BMS1: variants seen among roughly 807,000 people sequenced by gnomAD.
BMS1 encodes BMS1 ribosome biogenesis factor.
BMS1 carries 53 observed loss-of-function variants against 138.7 expected under a neutral mutation model. The observed-to-expected ratio is 0.38, with a 90% CI of 0.31 to 0.48. BMS1 has a LOEUF of 0.48. Ranked by LOEUF, BMS1 falls within the 20% of genes least tolerant of loss-of-function variation. The pLI is 0.97. For synonymous variants in BMS1, 504 were observed against 539.9 expected, an observed-to-expected ratio of 0.93 and a Z score of 0.92; for missense variants, 1,360 against 1,565.5, an observed-to-expected ratio of 0.87 and a Z score of 2.22.
chr10:42,796,401 G>T, intron 9 of BMS1, 73 bp from the exon 10 acceptor site: 2 of 1,417,414 alleles, frequency 1.4e-6, no homozygotes, highest in Middle Eastern at 1.8e-4. Context: ...TATTTTCATT[G>T]ACTATATTGC....
chr10:42,788,191 G>A (rs1263792555), intron 4 of BMS1, among the ~76,000 whole-genome samples: 10 of 152,218 alleles, frequency 6.6e-5, no homozygotes, highest in African/African-American at 2.4e-4. Context: ...GTTAATATTA[G>A]TAAAAATAAG....
chr10:42,828,144 C>T (rs1842706182), intron 21 of BMS1, among the ~76,000 whole-genome samples: 2 of 152,196 alleles, frequency 1.3e-5, no homozygotes, highest in Admixed American at 1.3e-4. Flanking sequence ...GCCTCCCCAA[C>T]CCACAAAATA....
chr10:42,833,157 A>G lies in BMS1; in HGVS notation c.*2061A>G, dbSNP rs1842828200. On this transcript the variant is annotated 3_prime_UTR_variant, in exon 23 of 23. Transcript: ENST00000374518. ...GCAGATAATTGCCTTTTCCAAAGACAATGTATGTAGGCAGAACTCATACCT... is the reference window on the plus strand; with the variant it reads ...GCAGATAATTGCCTTTTCCAAAGACGATGTATGTAGGCAGAACTCATACCT... The G allele has an allele frequency of 6.6e-6, 1 of 152,232 alleles. No individual in the cohort carries two copies. The highest frequency in any genetic ancestry group is 1.5e-5 in the Non-Finnish European group (1 of 68,042). The allele number at this position is 152,232 out of a possible 1,614,324, so 9.4% of individuals were successfully genotyped here.
At position 42,797,171 on chromosome 10, in the gene BMS1, A is replaced by C; in HGVS notation, c.1927A>C (p.Asn643His). The part of the protein sequence containing the change: ...NFIDETSDIE[N>H]LLKEEEDYKE... ...CATTGATGAGACCAGTGATATAGAA[A>C]ATTTACTCAAAGAGGAAGAAGATTA... Residue 643 changes from asparagine to histidine, a missense_variant, in exon 10 of 23, where the codon AAT becomes CAT. Coordinates refer to ENST00000374518, the MANE Select transcript of BMS1 (RefSeq NM_014753.4). 1 of 1,612,984 alleles carries C rather than the reference A, an allele frequency of 6.2e-7. No homozygotes were observed. The highest frequency in any genetic ancestry group is 2.2e-5 in the East Asian group (1 of 44,880).
intron 2 of BMS1, 39 bp from the exon 3 acceptor site, chr10:42,785,443 G>A (rs775874706): frequency 1.2e-5 from 19 of 1,532,580 alleles, no homozygotes; most frequent in Non-Finnish European, 1.7e-5. Context: ...TTGAAAATGA[G>A]TTTACTATTT....
intron 15 of BMS1, among the ~76,000 whole-genome samples, chr10:42,818,777 T>C (rs1267803127): frequency 6.6e-6 from 1 of 151,224 alleles, no homozygotes; most frequent in African/African-American, 2.4e-5. Flanking sequence ...TGGCCGGGAG[T>C]GAGTGCAGAG....
chr10:42,784,527 T>C lies in BMS1; in HGVS notation c.133T>C (p.Phe45Leu), dbSNP rs1841262528. The C allele has an allele frequency of 6.2e-7, 1 of 1,613,762 alleles. No individual in the cohort carries two copies. Among genetic ancestry groups the C allele is most frequent in the Admixed American group, 1.7e-5 (1 of 59,988 alleles). ...EDARKRNPKA[F>L]AVQSAVRMAR... ...TGCCCGGAAGAGAAATCCCAAAGCT[T>C]TTGCAGTTCAGTCTGCTGTGCGGAT... The change falls in exon 2 of 23, where the codon TTT becomes CTT. Residue 45 changes from phenylalanine (F) to leucine (L), a missense_variant. Transcript: ENST00000374518.
At chr10:42,805,245 A>T (rs953676438) in intron 13 of BMS1, among the ~76,000 whole-genome samples, 7 of 151,782 alleles carry the variant, frequency 4.6e-5, no homozygotes, top group African/African-American at 7.3e-5. Context: ...CTGAAAATCT[A>T]TTTTTTTCCC....
chr10:42,805,616 A>G (rs1471557848), intron 13 of BMS1, among the ~76,000 whole-genome samples: 1 of 152,230 alleles, frequency 6.6e-6, no homozygotes, highest in African/African-American at 2.4e-5. Context: ...TGATCTATGA[A>G]CATAGTAACT....
At chr10:42,809,632 T>C (rs1219168951) in intron 13 of BMS1, among the ~76,000 whole-genome samples, 3 of 152,210 alleles carry the variant, frequency 2.0e-5, no homozygotes, top group African/African-American at 7.2e-5. Flanking sequence ...GTAAGAGTGC[T>C]GAGAGTGGAC....
chr10:42,789,555 T>A (rs1243845227), intron 4 of BMS1, among the ~76,000 whole-genome samples: 2 of 152,036 alleles, frequency 1.3e-5, no homozygotes, highest in African/African-American at 4.8e-5. Flanking sequence ...CATCTGCTTA[T>A]ATTTTCTTAT....
At chr10:42,811,198 C>A in intron 13 of BMS1, among the ~76,000 whole-genome samples, 1 of 151,908 alleles carries the variant, frequency 6.6e-6, no homozygotes, top group Non-Finnish European at 1.5e-5. Flanking sequence ...TGCACCCCCA[C>A]GCACAGCTAA....
intron 13 of BMS1, among the ~76,000 whole-genome samples, chr10:42,805,756 T>C: frequency 6.8e-6 from 1 of 146,648 alleles, no homozygotes; most frequent in South Asian, 2.1e-4. Context: ...ATGCAGTTGA[T>C]TTTTTTTTTA....
At chr10:42,805,829 T>C (rs533526606) in intron 13 of BMS1, among the ~76,000 whole-genome samples, 58 of 152,306 alleles carry the variant, frequency 3.8e-4, no homozygotes, top group African/African-American at 1.3e-3. Flanking sequence ...AGACAGAGTC[T>C]CGCTCTGTCA....
chr10:42,790,637 T>A, intron 5 of BMS1, 126 bp downstream of exon 5: 1 of 1,069,084 alleles, frequency 9.4e-7, no homozygotes. Context: ...TCGGATCACT[T>A]GAGCCTAGAG....
At chr10:42,787,762 A>G (rs750448140) in intron 4 of BMS1, among the ~76,000 whole-genome samples, 41 of 152,218 alleles carry the variant, frequency 2.7e-4, no homozygotes, top group Non-Finnish European at 4.4e-4. Context: ...CAGAACCTTC[A>G]TCCTTAATGA....
chr10:42,801,246 C>T lies in BMS1; in HGVS notation c.2248-891C>T, dbSNP rs1841869043. On this transcript the variant is annotated intron_variant, in intron 12 of 22. Coordinates refer to ENST00000374518, the MANE Select transcript of BMS1 (RefSeq NM_014753.4). ...TATTTCCAGTTCACATACAGGACTA[C>T]ATCTTACTCATTCTTCCACTGGAGA... 2.0e-5 allele frequency among the ~76,000 whole-genome samples: 3 copies of T among 152,194 alleles called. No homozygotes were observed. In the South Asian group the frequency reaches 6.2e-4, roughly 32 times the overall value.
intron 9 of BMS1, among the ~76,000 whole-genome samples, chr10:42,795,348 C>G (rs1841647203): frequency 6.6e-6 from 1 of 151,482 alleles, no homozygotes; most frequent in Non-Finnish European, 1.5e-5. Context: ...GTGACAAGAT[C>G]TTGCTTTGTC....
intron 21 of BMS1, among the ~76,000 whole-genome samples, chr10:42,829,828 C>G (rs1264994228): frequency 8.1e-6 from 1 of 122,986 alleles, no homozygotes; most frequent in East Asian, 3.3e-4. Context: ...CTCAAAAAAA[C>G]AAAACAAAAC....
Sources: allele counts gnomAD v4.1 joint callset (sites outside exome capture counted in the v4.1 genomes callset), GRCh38; gene constraint gnomAD v4.1.1; transcripts MANE v1.5; gene names NCBI Gene and HGNC (gene_info 2026-07-23, HGNC 2026-07-21).